The following MPP7 variants were observed in gnomAD, a reference collection of about 807,000 sequenced individuals.
MPP7 encodes the protein MAGUK p55 scaffold protein 7.
MPP7 carries 60 observed loss-of-function variants against 76.5 expected under a neutral mutation model. That is an observed-to-expected ratio of 0.78 (90% CI 0.64 to 0.97). The LOEUF (loss-of-function observed/expected upper bound fraction) is 0.97, where lower values mean the gene tolerates loss of function less well. Among genes scored for constraint, MPP7 ranks in the 50% least tolerant of loss-of-function variants. MPP7 has a pLI of 0.00. For synonymous variants in MPP7, 237 were observed against 244.5 expected (o/e 0.97, Z 0.29); for missense variants, 641 against 694.0 (o/e 0.92, Z 0.86).
chr10:28,173,553 C>T (rs1455242664), intron 3 of MPP7, among the ~76,000 whole-genome samples: 1 of 152,166 alleles, frequency 6.6e-6, no homozygotes, highest in African/African-American at 2.4e-5. Context: ...CGTCCTGAGA[C>T]CCTCATCAAG....
At chr10:28,101,003 T>G (rs1261756727) in intron 11 of MPP7, among the ~76,000 whole-genome samples, 1 of 152,118 alleles carries the variant, frequency 6.6e-6, no homozygotes, top group Non-Finnish European at 1.5e-5. Flanking sequence ...GTTATGCATA[T>G]GTAAAATTGT....
At chr10:28,273,850 G>A (rs955933435) in intron 1 of MPP7, among the ~76,000 whole-genome samples, 2 of 152,098 alleles carry the variant, frequency 1.3e-5, no homozygotes, top group Non-Finnish European at 2.9e-5. Context: ...ATACTACAAG[G>A]CAGGCATGGT....
chr10:28,221,047 T>C (rs1838487161), intron 2 of MPP7, among the ~76,000 whole-genome samples: 1 of 152,088 alleles, frequency 6.6e-6, no homozygotes, highest in Non-Finnish European at 1.5e-5. Context: ...TACACAATAA[T>C]GCAGCGGCTG....
chr10:28,287,317 T>C lies in MPP7; in HGVS notation c.-132+15544A>G, dbSNP rs897573952. Among the ~76,000 whole-genome samples the C allele has an allele frequency of 5.3e-5, 8 of 152,050 alleles. 1 individual carries two copies. The highest frequency in any genetic ancestry group is 1.9e-4 in the African/African-American group (8 of 41,410). Reference sequence around the variant, plus strand: ...TCCTTAAAAATTTGTAGAGGGTAGATCTCATGTTAAGTGTTTTTAATACAC... The same window carrying C: ...TCCTTAAAAATTTGTAGAGGGTAGACCTCATGTTAAGTGTTTTTAATACAC... On this transcript the variant is annotated intron_variant, in intron 1 of 16. Coordinates refer to ENST00000683449, the MANE Select transcript of MPP7 (RefSeq NM_001318170.2).
chr10:28,277,029 C>CA (rs1186046964), intron 1 of MPP7, among the ~76,000 whole-genome samples: 21 of 145,106 alleles, frequency 1.4e-4, no homozygotes, highest in South Asian at 2.2e-4. Flanking sequence ...GCTGCCTCTA[C>CA]AAAAAAAAAA....
At chr10:28,144,209 G>C (rs1384343288) in intron 5 of MPP7, among the ~76,000 whole-genome samples, 1 of 152,062 alleles carries the variant, frequency 6.6e-6, no homozygotes, top group Non-Finnish European at 1.5e-5. Context: ...CCTCCATTCA[G>C]TATTGCATTT....
Position 28,277,852 on chromosome 10 carries a change from G to A in MPP7, c.-132+25009C>T, listed in dbSNP as rs562072922. Reference sequence around the variant, plus strand: ...AAAAATTAAAGAGGTATTGGGATTCGAAGGTAAGTCCACGGTTCCAAATCT... The same window carrying A: ...AAAAATTAAAGAGGTATTGGGATTCAAAGGTAAGTCCACGGTTCCAAATCT... On this transcript the variant is annotated intron_variant, in intron 1 of 16. Transcript: ENST00000683449. Among the ~76,000 whole-genome samples, 20 of 152,132 alleles carry A rather than the reference G, an allele frequency of 1.3e-4. No individual in the cohort carries two copies. In the South Asian group the frequency reaches 2.7e-3, roughly 21 times the overall value.
chr10:28,319,561 G>A (rs1260318105), intron 2 of MPP7, among the ~76,000 whole-genome samples: 2 of 151,994 alleles, frequency 1.3e-5, no homozygotes, highest in African/African-American at 4.8e-5. Context: ...GAAAAAAAGA[G>A]AGAGAGAGAG....
rs1023969026 is a variant in MPP7, at chr10:28,148,159, T to A, written c.235-596A>T. On this transcript the variant is annotated intron_variant, in intron 4 of 16. Transcript: ENST00000683449. Reference sequence around the variant, plus strand: ...GTACCAATTGTAAAATGAGCTATAATGGGTTGACAGCTAGCTACCCTGGTA... The same window carrying A: ...GTACCAATTGTAAAATGAGCTATAAAGGGTTGACAGCTAGCTACCCTGGTA... Among the ~76,000 whole-genome samples the A allele has an allele frequency of 1.1e-4, 17 of 152,324 alleles. No homozygotes were observed. In the South Asian group the frequency reaches 3.5e-3, roughly 32 times the overall value.
chr10:28,109,427 A>C (rs1192084311), intron 11 of MPP7, among the ~76,000 whole-genome samples: 1 of 152,220 alleles, frequency 6.6e-6, no homozygotes, highest in Non-Finnish European at 1.5e-5. Context: ...GCTTAGTGCC[A>C]ATAGGATGCT....
At chr10:28,168,001 C>A (rs1836542440) in intron 3 of MPP7, among the ~76,000 whole-genome samples, 1 of 152,180 alleles carries the variant, frequency 6.6e-6, no homozygotes, top group Admixed American at 6.5e-5. Context: ...CTTTGGGAGG[C>A]CAAGGTGGGC....
intron 1 of MPP7, among the ~76,000 whole-genome samples, chr10:28,281,782 A>G (rs971975969): frequency 1.3e-4 from 20 of 152,084 alleles, no homozygotes; most frequent in Admixed American, 3.9e-4. Flanking sequence ...GAGAATAAAT[A>G]ACTTGTCTAA....
intron 2 of MPP7, among the ~76,000 whole-genome samples, chr10:28,207,993 A>G (rs1247695622): frequency 6.6e-6 from 1 of 152,184 alleles, no homozygotes; most frequent in Non-Finnish European, 1.5e-5. Context: ...TGAACAGAGA[A>G]GCTTAATATA....
At chr10:28,207,107 A>C (rs1032946311) in intron 2 of MPP7, among the ~76,000 whole-genome samples, 4 of 152,182 alleles carry the variant, frequency 2.6e-5, no homozygotes, top group Non-Finnish European at 5.9e-5. Flanking sequence ...TAAGAACTTC[A>C]ATATAAAGCA....
At chr10:28,091,685 G>A (rs977650246) in intron 11 of MPP7, among the ~76,000 whole-genome samples, 1 of 152,176 alleles carries the variant, frequency 6.6e-6, no homozygotes, top group Non-Finnish European at 1.5e-5. Context: ...TCAGCTGTCT[G>A]AATCTGTGGG....
At chr10:28,133,889 G>A (rs948503006) in intron 5 of MPP7, among the ~76,000 whole-genome samples, 6 of 152,010 alleles carry the variant, frequency 3.9e-5, no homozygotes, top group African/African-American at 1.2e-4. Flanking sequence ...ATGGTAGAAG[G>A]AATTCATTTT....
chr10:28,281,765 G>T (rs1008238571), intron 1 of MPP7, among the ~76,000 whole-genome samples: 26 of 152,012 alleles, frequency 1.7e-4, no homozygotes, highest in African/African-American at 6.3e-4. Context: ...GAAAATGGAG[G>T]TTTGGAGAGA....
At chr10:28,187,926 A>C (rs967892114) in intron 3 of MPP7, among the ~76,000 whole-genome samples, 6 of 152,210 alleles carry the variant, frequency 3.9e-5, no homozygotes, top group African/African-American at 1.2e-4. Flanking sequence ...TAGTAAGAAA[A>C]TCTGAGTTAT....
chr10:28,301,621 G>A (rs1182265943), intron 1 of MPP7, among the ~76,000 whole-genome samples: 2 of 152,186 alleles, frequency 1.3e-5, no homozygotes, highest in East Asian at 1.9e-4. Context: ...AAATAAAGTA[G>A]GAGTAAAGTG....
Sources: gnomAD v4.1 joint callset for allele counts (sites outside exome capture counted in the v4.1 genomes callset) on GRCh38, gnomAD v4.1.1 for gene constraint, MANE v1.5 for transcripts, NCBI Gene and HGNC (gene_info 2026-07-23, HGNC 2026-07-21) for gene names.